MBTD1: variants seen among roughly 807,000 people sequenced by gnomAD.
MBTD1 encodes mbt domain containing 1, also known as MBT domain-containing protein 1.
In MBTD1, 24 loss-of-function variants were observed where a neutral mutation model predicts 87.8. The observed-to-expected ratio is 0.27, with a 90% CI of 0.20 to 0.38. The LOEUF is 0.38. Among genes scored for constraint, MBTD1 ranks in the 10% least tolerant of loss-of-function variants. MBTD1 has a pLI of 1.00. For synonymous variants in MBTD1, 237 were observed against 248.6 expected (o/e 0.95, Z 0.44); for missense variants, 436 against 760.2 (o/e 0.57, Z 5.02).
chr17:51,203,006 G>T, intron 9 of MBTD1, 71 bp from the exon 10 acceptor site: 1 of 1,344,418 alleles, frequency 7.4e-7, no homozygotes, highest in Non-Finnish European at 1.1e-6. Flanking sequence ...GTATTATACT[G>T]TAAAAAATAC....
At chr17:51,251,521 C>G (rs1021266444) in intron 2 of MBTD1, 3 of 152,120 alleles carry the variant, frequency 2.0e-5, no homozygotes, top group Non-Finnish European at 4.4e-5. Flanking sequence ...TTCAGATTTT[C>G]TCTTTCTGAG....
intron 6 of MBTD1, among the ~76,000 whole-genome samples, chr17:51,214,784 T>C (rs149481843): frequency 9.3e-4 from 141 of 152,194 alleles, no homozygotes; most frequent in African/African-American, 3.3e-3. Flanking sequence ...CAAAGAGGCC[T>C]TCCTGACTAA....
At chr17:51,186,837 CAAGA>C (rs2050561000) in intron 16 of MBTD1, among the ~76,000 whole-genome samples, 1 of 151,456 alleles carries the variant, frequency 6.6e-6, no homozygotes, top group South Asian at 2.1e-4. Flanking sequence ...CAATTTCTTT[CAAGA>C]AAGTCTCTGC....
intron 2 of MBTD1, chr17:51,250,814 A>G (rs977797495): frequency 3.3e-5 from 5 of 152,220 alleles, no homozygotes; most frequent in South Asian, 2.1e-4. Context: ...TATATACAGT[A>G]GACTTTGGAT....
intron 2 of MBTD1, among the ~76,000 whole-genome samples, chr17:51,242,072 C>T (rs1275146520): frequency 6.6e-6 from 1 of 152,152 alleles, no homozygotes; most frequent in African/African-American, 2.4e-5. Context: ...AGCCCTGGAA[C>T]CAAACATTTC....
At chr17:51,184,108 C>T (rs1397198951) in intron 16 of MBTD1, 1 of 152,206 alleles carries the variant, frequency 6.6e-6, no homozygotes, top group African/African-American at 2.4e-5. Context: ...AAAAAAGTCA[C>T]TCAAGATAAA....
intron 2 of MBTD1, among the ~76,000 whole-genome samples, chr17:51,245,598 C>T (rs138293925): frequency 2.2e-4 from 33 of 151,658 alleles, no homozygotes; most frequent in African/African-American, 3.9e-4. Flanking sequence ...TATCTAGTTG[C>T]GCCAACATCC....
chr17:51,217,298 A>G, intron 6 of MBTD1, 36 bp downstream of exon 6: 1 of 1,205,246 alleles, frequency 8.3e-7, no homozygotes, highest in Non-Finnish European at 1.2e-6. Flanking sequence ...ACAATGACTA[A>G]GTACTTCAAA....
chr17:51,229,090 G>A (rs868202858), intron 2 of MBTD1, among the ~76,000 whole-genome samples: 2 of 152,112 alleles, frequency 1.3e-5, no homozygotes, highest in Non-Finnish European at 2.9e-5. Context: ...AGCACTCTGG[G>A]AGGCCGAGGC....
At chr17:51,192,502 T>C (rs927585689) in intron 15 of MBTD1, 82 of 638,514 alleles carry the variant, frequency 1.3e-4, no homozygotes, top group Non-Finnish European at 2.0e-4. Flanking sequence ...AATAAACTTT[T>C]AGTATGTAAT....
intron 6 of MBTD1, among the ~76,000 whole-genome samples, chr17:51,213,755 G>A (rs368807653): frequency 1.3e-5 from 2 of 152,086 alleles, no homozygotes; most frequent in South Asian, 4.1e-4. Context: ...CCAGCCTCAG[G>A]AACTGCCAAC....
chr17:51,235,968 A>G (rs2053805887), intron 2 of MBTD1, among the ~76,000 whole-genome samples: 1 of 152,204 alleles, frequency 6.6e-6, no homozygotes, highest in African/African-American at 2.4e-5. Context: ...TCAATGAAAC[A>G]GAATAAGAGT....
chr17:51,211,616 G>C (rs2052224130), intron 6 of MBTD1, among the ~76,000 whole-genome samples: 3 of 151,878 alleles, frequency 2.0e-5, no homozygotes, highest in African/African-American at 4.8e-5. Flanking sequence ...CTGAGATGGA[G>C]CACTAAGAAG....
chr17:51,255,167 G>A (rs890222772), intron 2 of MBTD1, among the ~76,000 whole-genome samples: 1 of 152,060 alleles, frequency 6.6e-6, no homozygotes, highest in Non-Finnish European at 1.5e-5. Context: ...TGTAGTCCCA[G>A]CCACTCGGGA....
At chr17:51,206,616 C>T (rs1427314398) in intron 7 of MBTD1, among the ~76,000 whole-genome samples, 1 of 152,090 alleles carries the variant, frequency 6.6e-6, no homozygotes, top group Non-Finnish European at 1.5e-5. Context: ...TAAAGTTCTA[C>T]TGGAACACAA....
In MBTD1 at chr17:51,201,912, ATTCTT is replaced by A. The variant is rs2051515186; in HGVS notation, c.1119+105_1119+109del. The A allele has an allele frequency of 3.8e-6, 3 of 790,334 alleles. No homozygotes were observed. The South Asian group carries it at 4.6e-5, about 12-fold the overall frequency. 49.0% of individuals were successfully genotyped at this position (790,334 alleles called of 1,614,324 possible). A position where few individuals can be genotyped will look rare whatever the true frequency, so the allele number is the denominator to read the frequency against. Reference sequence around the variant, plus strand: ...ACACCTATGAATTTACAAGGTCTTAATTCTTTTAAGTGAACATATGTAATTGTGAT... The same window carrying A: ...ACACCTATGAATTTACAAGGTCTTAATTAAGTGAACATATGTAATTGTGAT... On this transcript the variant is annotated intron_variant, in intron 11 of 16. Coordinates refer to ENST00000586178, the MANE Select transcript of MBTD1 (RefSeq NM_017643.3).
At chr17:51,193,816 T>TC (rs1469417397) in intron 13 of MBTD1, among the ~76,000 whole-genome samples, 1 of 152,148 alleles carries the variant, frequency 6.6e-6, no homozygotes, top group Admixed American at 6.6e-5. Context: ...AGACAGGGTC[T>TC]CCCTATGTTG....
intron 2 of MBTD1, among the ~76,000 whole-genome samples, chr17:51,244,116 C>T (rs2054300278): frequency 6.6e-6 from 1 of 152,264 alleles, no homozygotes; most frequent in Admixed American, 6.5e-5. Context: ...TGAAATATGA[C>T]CACATTGTTT....
chr17:51,252,475 T>TA (rs1362610041), intron 2 of MBTD1, among the ~76,000 whole-genome samples: 1 of 152,038 alleles, frequency 6.6e-6, no homozygotes, highest in African/African-American at 2.4e-5. Context: ...CCTGTAATCC[T>TA]AGCACTTTGG....
Sources: gnomAD v4.1 joint callset for allele counts (sites outside exome capture counted in the v4.1 genomes callset) on GRCh38, gnomAD v4.1.1 for gene constraint, MANE v1.5 for transcripts, NCBI Gene and HGNC (gene_info 2026-07-23, HGNC 2026-07-21) for gene names.